Variants in PRR5L observed in about 807,000 individuals in gnomAD.
PRR5L encodes proline-rich protein 5-like.
PRR5L carries 21 observed loss-of-function variants against 36.4 expected under a neutral mutation model. The observed-to-expected ratio is 0.58, with a 90% CI of 0.41 to 0.83. The LOEUF (loss-of-function observed/expected upper bound fraction) is 0.83, where lower values mean the gene tolerates loss of function less well. Among genes scored for constraint, PRR5L ranks in the 40% least tolerant of loss-of-function variants. The probability of loss-of-function intolerance (pLI) is 0.00; values close to 1 mark genes in which losing one functional copy is unlikely to be tolerated. For synonymous variants in PRR5L, 188 were observed against 197.0 expected, an observed-to-expected ratio of 0.95 and a Z score of 0.38; for missense variants, 381 against 473.3, an observed-to-expected ratio of 0.80 and a Z score of 1.81.
In PRR5L at chr11:36,418,668, C is replaced by T. The variant is rs58966125; in HGVS notation, c.246-587C>T. Among the ~76,000 whole-genome samples the T allele has an allele frequency of 6.2e-3, 937 of 152,016 alleles. 12 individuals are homozygous for T. Among genetic ancestry groups the T allele is most frequent in the African/African-American group, 0.021 (882 of 41,448 alleles). ...AAAATTAGCCGGGCATGGTGGCGGG[C>T]GCCTGTGGTCCCAGCTACTCGGGAG... On this transcript the variant is annotated intron_variant, in intron 3 of 8. Coordinates refer to ENST00000530639, the MANE Select transcript of PRR5L (RefSeq NM_001160167.2).
chr11:36,397,309 C>T (rs1241774632), intron 1 of PRR5L, among the ~76,000 whole-genome samples: 1 of 147,462 alleles, frequency 6.8e-6, no homozygotes, highest in South Asian at 2.2e-4. Flanking sequence ...CGAGATCTAC[C>T]CATCTTGGCC....
chr11:36,442,452 C>T (rs1858742361), intron 6 of PRR5L, among the ~76,000 whole-genome samples: 1 of 152,066 alleles, frequency 6.6e-6, no homozygotes, highest in South Asian at 2.1e-4. Context: ...AGCTATTCTC[C>T]TGCCTCAGCC....
chr11:36,333,238 G>A (rs1454494173), intron 1 of PRR5L, among the ~76,000 whole-genome samples: 1 of 152,146 alleles, frequency 6.6e-6, no homozygotes, highest in East Asian at 1.9e-4. Flanking sequence ...GACAATACCA[G>A]GTATTGGGAA....
intron 1 of PRR5L, among the ~76,000 whole-genome samples, chr11:36,379,056 T>TAACA (rs1459135243): frequency 6.6e-6 from 1 of 152,202 alleles, no homozygotes; most frequent in East Asian, 1.9e-4. Context: ...ATTGGCTCAG[T>TAACA]TATTGGGGAA....
chr11:36,376,597 C>A lies in PRR5L; in HGVS notation c.-125-24400C>A, dbSNP rs934926025. 1.8e-5 allele frequency: 18 copies of A among 990,288 alleles called. No homozygotes were observed. In the African/African-American group the frequency reaches 3.1e-4, roughly 17 times the overall value. 61.3% of individuals were successfully genotyped at this position (990,288 alleles called of 1,614,324 possible). ...CGCTCATTTCTCTCCGGTGAGAAAACTTCCTCGGGAAGACCGGAAACTTTT... is the reference window on the plus strand; with the variant it reads ...CGCTCATTTCTCTCCGGTGAGAAAAATTCCTCGGGAAGACCGGAAACTTTT... On this transcript the variant is annotated intron_variant, in intron 1 of 8. Transcript: ENST00000530639.
At chr11:36,307,324 G>T (rs1398222569) in intron 1 of PRR5L, among the ~76,000 whole-genome samples, 1 of 152,166 alleles carries the variant, frequency 6.6e-6, no homozygotes, top group Non-Finnish European at 1.5e-5. Flanking sequence ...CTTACTCAAA[G>T]GCAGACTGCT....
intron 3 of PRR5L, among the ~76,000 whole-genome samples, chr11:36,410,631 C>T (rs918784586): frequency 6.6e-6 from 1 of 152,212 alleles, no homozygotes; most frequent in Non-Finnish European, 1.5e-5. Flanking sequence ...TGCTCTTCGT[C>T]AGTTTCCTCC....
intron 1 of PRR5L, among the ~76,000 whole-genome samples, chr11:36,365,345 A>G (rs1403410759): frequency 6.6e-6 from 1 of 152,162 alleles, no homozygotes; most frequent in Non-Finnish European, 1.5e-5. Flanking sequence ...AGTAGACTCA[A>G]TTAAGATCTC....
intron 1 of PRR5L, among the ~76,000 whole-genome samples, chr11:36,299,569 C>T (rs1044422239): frequency 6.6e-6 from 1 of 152,178 alleles, no homozygotes; most frequent in Non-Finnish European, 1.5e-5. Flanking sequence ...CTTGGCAATA[C>T]CTGAACTGAG....
chr11:36,451,581 T>G (rs2133625253), intron 8 of PRR5L, among the ~76,000 whole-genome samples: 1 of 152,292 alleles, frequency 6.6e-6, no homozygotes, highest in South Asian at 2.1e-4. Flanking sequence ...GCCTTTGCGG[T>G]GGTGCTTGTC....
intron 5 of PRR5L, among the ~76,000 whole-genome samples, chr11:36,433,736 C>T (rs1047648475): frequency 4.6e-5 from 7 of 151,938 alleles, no homozygotes; most frequent in African/African-American, 1.7e-4. Flanking sequence ...ATTTAGTAGG[C>T]GTTTCACCAT....
At chr11:36,443,838 C>T (rs1858772850) in intron 6 of PRR5L, among the ~76,000 whole-genome samples, 1 of 152,108 alleles carries the variant, frequency 6.6e-6, no homozygotes, top group Admixed American at 6.5e-5. Context: ...CTGAGAGTTG[C>T]CTAAGTGGGG....
chr11:36,310,747 G>A (rs962792754), intron 1 of PRR5L, among the ~76,000 whole-genome samples: 2 of 151,968 alleles, frequency 1.3e-5, no homozygotes, highest in African/African-American at 4.8e-5. Flanking sequence ...GCCTGTAATC[G>A]CAGCACTTTG....
intron 5 of PRR5L, 111 bp downstream of exon 5, chr11:36,432,021 C>A: frequency 2.3e-6 from 2 of 878,368 alleles, no homozygotes; most frequent in Non-Finnish European, 3.7e-6. Flanking sequence ...GAGTGATTCA[C>A]CCTGTCCGTT....
chr11:36,308,071 T>C (rs1160662556), intron 1 of PRR5L, among the ~76,000 whole-genome samples: 2 of 152,146 alleles, frequency 1.3e-5, no homozygotes, highest in African/African-American at 4.8e-5. Context: ...GTGCTGGAGG[T>C]GGGTCATTGT....
At chr11:36,302,880 A>T (rs1262802082) in intron 1 of PRR5L, among the ~76,000 whole-genome samples, 1 of 152,224 alleles carries the variant, frequency 6.6e-6, no homozygotes, top group Non-Finnish European at 1.5e-5. Flanking sequence ...CACTTCATCT[A>T]TATGAGTTCG....
chr11:36,452,656 C>A (rs528917118), intron 8 of PRR5L, among the ~76,000 whole-genome samples: 1 of 152,350 alleles, frequency 6.6e-6, no homozygotes, highest in Non-Finnish European at 1.5e-5. Context: ...CTGGAGTCCA[C>A]CTTCCTGCTG....
Position 36,401,206 on chromosome 11 carries a change from TC to T in PRR5L, c.90del (p.Val31CysfsTer17). On this transcript the variant is annotated frameshift_variant, in exon 2 of 9. Transcript: ENST00000530639. LOFTEE classifies it high-confidence loss of function. ...CAGGCCTAGACCGCGCTTCATGAGC[TC>T]CCCCGTGCTCAGCGACCTTCCCCGA... The part of the protein sequence containing the change: ...FRRPRPRFMS[S>X]PVLSDLPRFQ... 1 of 1,613,762 alleles carries T rather than the reference TC, an allele frequency of 6.2e-7. No individual in the cohort carries two copies.
At chr11:36,357,137 C>T (rs1463057088) in intron 1 of PRR5L, among the ~76,000 whole-genome samples, 3 of 152,084 alleles carry the variant, frequency 2.0e-5, no homozygotes, top group African/African-American at 7.2e-5. Flanking sequence ...ATGATCAAAC[C>T]AGCCACAACA....
Sources: gnomAD v4.1 joint callset for allele counts (sites outside exome capture counted in the v4.1 genomes callset) on GRCh38, gnomAD v4.1.1 for gene constraint, MANE v1.5 for transcripts, NCBI Gene and HGNC (gene_info 2026-07-23, HGNC 2026-07-21) for gene names.